FGD3: variants seen among roughly 807,000 people sequenced by gnomAD.
FGD3 encodes the protein FYVE, RhoGEF and PH domain-containing protein 3.
Under a neutral mutation model 71.8 loss-of-function variants are expected in FGD3, and 45 were observed. The observed-to-expected ratio is 0.63, with a 90% CI of 0.49 to 0.80. FGD3 has a LOEUF of 0.80. Ranked by LOEUF, FGD3 falls within the 30% of genes least tolerant of loss-of-function variation. The pLI is 0.00. For missense variants in FGD3, 844 were observed against 951.5 expected, an observed-to-expected ratio of 0.89 and a Z score of 1.49; for synonymous variants, 378 against 392.8, an observed-to-expected ratio of 0.96 and a Z score of 0.44.
At chr9:92,974,206 C>G (rs942256796) in intron 1 of FGD3, among the ~76,000 whole-genome samples, 1 of 152,190 alleles carries the variant, frequency 6.6e-6, no homozygotes, top group Admixed American at 6.5e-5. Flanking sequence ...TCTTGCCAGA[C>G]AGCTACCTTT....
chr9:92,957,092 G>T (rs1859067914), intron 1 of FGD3, among the ~76,000 whole-genome samples: 1 of 152,112 alleles, frequency 6.6e-6, no homozygotes, highest in South Asian at 2.1e-4. Context: ...TGCTTATTAC[G>T]CATTCTCCAG....
At chr9:93,002,086 AT>A (rs34549151) in intron 3 of FGD3, among the ~76,000 whole-genome samples, 5,766 of 152,264 alleles carry the variant, frequency 0.038, 165 homozygotes, top group Non-Finnish European at 0.056. Context: ...AGTCTCAGGC[AT>A]TTTCAGTGAA....
At chr9:92,978,167 A>G (rs529200469) in intron 3 of FGD3, among the ~76,000 whole-genome samples, 8 of 151,956 alleles carry the variant, frequency 5.3e-5, no homozygotes, top group African/African-American at 1.9e-4. Context: ...CTGTAATCCC[A>G]GCTAATTGGG....
chr9:93,015,549 T>C (rs1861641642), intron 9 of FGD3, 188 bp from the exon 10 acceptor site: 1 of 438,242 alleles, frequency 2.3e-6, no homozygotes, highest in Admixed American at 3.9e-5. Flanking sequence ...AAAATAAAGC[T>C]AGCGACTAGA....
chr9:93,035,015 CT>C (rs765286162), intron 17 of FGD3, among the ~76,000 whole-genome samples: 231 of 152,330 alleles, frequency 1.5e-3, no homozygotes, highest in Middle Eastern at 6.8e-3. Flanking sequence ...AGTTGCTACT[CT>C]GTCACAGGGG....
chr9:92,983,372 A>G (rs1388413471), intron 3 of FGD3, among the ~76,000 whole-genome samples: 1 of 151,710 alleles, frequency 6.6e-6, no homozygotes, highest in Non-Finnish European at 1.5e-5. Context: ...AATACAAAAA[A>G]AAATTAGCCA....
chr9:93,017,752 G>T (rs1861755808), intron 10 of FGD3, among the ~76,000 whole-genome samples: 1 of 152,192 alleles, frequency 6.6e-6, no homozygotes, highest in Non-Finnish European at 1.5e-5. Context: ...CATCCTAAGG[G>T]GACGTGGCTG....
chr9:92,956,834 C>CT (rs34469364), intron 1 of FGD3, among the ~76,000 whole-genome samples: 19,166 of 127,318 alleles, frequency 0.15, 2,607 homozygotes, highest in South Asian at 0.2. Context: ...TAATTGCTTT[C>CT]TTTCTTTTTT....
chr9:92,993,393 A>G (rs1860497201), intron 3 of FGD3, among the ~76,000 whole-genome samples: 1 of 152,164 alleles, frequency 6.6e-6, no homozygotes, highest in Admixed American at 6.5e-5. Flanking sequence ...CCTTATATCT[A>G]AAGTGAGTCT....
intron 1 of FGD3, among the ~76,000 whole-genome samples, chr9:92,950,914 C>G (rs923636156): frequency 1.3e-5 from 2 of 152,164 alleles, no homozygotes; most frequent in Admixed American, 6.5e-5. Flanking sequence ...TGCCACGTCC[C>G]CTGCGTCCAG....
At chr9:92,993,457 T>C (rs1288305468) in intron 3 of FGD3, among the ~76,000 whole-genome samples, 1 of 152,142 alleles carries the variant, frequency 6.6e-6, no homozygotes, top group Non-Finnish European at 1.5e-5. Flanking sequence ...TCAGCCAATA[T>C]GTCTTTTTCT....
In FGD3 at chr9:93,027,860, C is replaced by T. The variant is rs1204673387; in HGVS notation, c.1558-2014C>T. ...TAAGCCCCCCAAATATCTGGGACTA[C>T]AGGCACGTGCCACCACATCAGCTAA... On this transcript the variant is annotated intron_variant, in intron 14 of 17. Transcript: ENST00000375482. 6.6e-5 allele frequency among the ~76,000 whole-genome samples: 10 copies of T among 151,646 alleles called. No individual in the cohort carries two copies. The Admixed American group carries it at 6.6e-4, about 10-fold the overall frequency.
chr9:93,018,062 A>G, intron 10 of FGD3, 74 bp from the exon 11 acceptor site: 1 of 1,415,958 alleles, frequency 7.1e-7, no homozygotes, highest in South Asian at 1.2e-5. Flanking sequence ...AAACACTTCT[A>G]AGTCAGAAAA....
rs949884646 is a variant in FGD3 at position 92,976,345 on chromosome 9, G to C, written c.89G>C (p.Gly30Ala). The change falls in exon 3 of 18, where the codon GGG becomes GCG. Residue 30 changes from glycine (G) to alanine (A), a missense_variant. Physicochemically the swap from Gly to Ala is moderately conservative, Grantham distance 60. Coordinates refer to ENST00000375482, the MANE Select transcript of FGD3 (RefSeq NM_001083536.2). The part of the protein sequence containing the change: ...PDTGPGSSSL[G>A]KLQALPVGPR... ...ACTGGGCCTGGCAGTTCCTCCCTAG[G>C]GAAGCTTCAGGCGCTCCCTGTTGGG... The C allele has an allele frequency of 6.2e-7, 1 of 1,610,682 alleles. No individual in the cohort carries two copies. The highest frequency in any genetic ancestry group is 1.3e-5 in the African/African-American group (1 of 74,904).
intron 3 of FGD3, among the ~76,000 whole-genome samples, chr9:92,981,902 T>C (rs374834752): frequency 1.3e-5 from 2 of 152,290 alleles, no homozygotes; most frequent in African/African-American, 4.8e-5. Context: ...CATAGTGATG[T>C]TTTGATACAT....
chr9:92,965,817 C>T (rs1006337064), intron 1 of FGD3, among the ~76,000 whole-genome samples: 1 of 152,194 alleles, frequency 6.6e-6, no homozygotes, highest in Non-Finnish European at 1.5e-5. Flanking sequence ...AAAGCATCCT[C>T]CCCACCTGCC....
At chr9:92,999,244 G>C (rs1207230800) in intron 3 of FGD3, among the ~76,000 whole-genome samples, 1 of 152,214 alleles carries the variant, frequency 6.6e-6, no homozygotes, top group Non-Finnish European at 1.5e-5. Context: ...CAGTGAGCAA[G>C]GCTCCGTGGG....
chr9:93,035,272 C>T, intron 17 of FGD3, 66 bp from the exon 18 acceptor site: 1 of 1,554,558 alleles, frequency 6.4e-7, no homozygotes, highest in Non-Finnish European at 8.7e-7. Flanking sequence ...GAGAGGCCCC[C>T]ATCACTGAGG....
At chr9:92,982,461 C>T (rs1178915610) in intron 3 of FGD3, among the ~76,000 whole-genome samples, 1 of 152,102 alleles carries the variant, frequency 6.6e-6, no homozygotes, top group Non-Finnish European at 1.5e-5. Flanking sequence ...TGCAGCTGTC[C>T]CTTCAATATA....
Sources: gnomAD v4.1 joint callset for allele counts (sites outside exome capture counted in the v4.1 genomes callset) on GRCh38, gnomAD v4.1.1 for gene constraint, MANE v1.5 for transcripts, NCBI Gene and HGNC (gene_info 2026-07-23, HGNC 2026-07-21) for gene names.